The following BNC2 variants were observed in gnomAD, a reference collection of about 807,000 sequenced individuals.
BNC2 encodes the protein zinc finger protein basonuclin-2.
Under a neutral mutation model 76.3 loss-of-function variants are expected in BNC2, and 20 were observed. The ratio of observed to expected loss-of-function variants is 0.26; its 90% confidence interval spans 0.18 to 0.38. The LOEUF is 0.38. BNC2 is among the 10% of genes least tolerant of loss of function. The pLI is 1.00. For missense variants in BNC2, 1,382 were observed against 1,399.8 expected, an observed-to-expected ratio of 0.99 and a Z score of 0.20; for synonymous variants, 582 against 514.8, an observed-to-expected ratio of 1.13 and a Z score of -1.77.
chr9:16,479,091 A>T (rs1424400080), intron 5 of BNC2, among the ~76,000 whole-genome samples: 2 of 152,128 alleles, frequency 1.3e-5, no homozygotes, highest in Admixed American at 1.3e-4. Context: ...GTCTCTACCA[A>T]AAAAATAAAA....
intron 1 of BNC2, among the ~76,000 whole-genome samples, chr9:16,789,426 A>G (rs143970871): frequency 0.012 from 1,899 of 152,230 alleles, 14 homozygotes; most frequent in Non-Finnish European, 0.018. Context: ...CATTGCCTAC[A>G]AGTTCCATGG....
intron 6 of BNC2, among the ~76,000 whole-genome samples, chr9:16,433,898 A>G (rs1353318210): frequency 1.3e-5 from 2 of 152,206 alleles, no homozygotes; most frequent in African/African-American, 4.8e-5. Context: ...AAAAAATACA[A>G]TGCATTAACC....
chr9:16,470,809 G>A (rs1309722752), intron 5 of BNC2, among the ~76,000 whole-genome samples: 2 of 152,220 alleles, frequency 1.3e-5, no homozygotes, highest in African/African-American at 4.8e-5. Flanking sequence ...TTTGCTGCAG[G>A]GGCGGGGCCC....
chr9:16,647,097 G>T (rs556789218), intron 3 of BNC2, among the ~76,000 whole-genome samples: 9 of 152,268 alleles, frequency 5.9e-5, no homozygotes, highest in African/African-American at 1.7e-4. Context: ...GGTTGTAGAT[G>T]ATATTTCCCA....
rs767741164 is a variant in BNC2 at position 16,436,170 on chromosome 9, T to C, written c.2024A>G (p.His675Arg). ...AVVNDMSHDN[H>R]CHSQEEMSPG... ...GCTCATCTCCTCTTGGGAGTGACAATGATTGTCATGGCTCATGTCATTGAC... is the reference window on the plus strand; with the variant it reads ...GCTCATCTCCTCTTGGGAGTGACAACGATTGTCATGGCTCATGTCATTGAC... Residue 675 changes from histidine (H) to arginine (R), a missense_variant, in exon 6 of 7, where the codon CAT becomes CGT. By Grantham distance (29) the His-to-Arg change is conservative. Transcript: ENST00000380672. 4.3e-6 allele frequency: 7 copies of C among 1,614,200 alleles called. No individual in the cohort carries two copies. Among genetic ancestry groups the C allele is most frequent in the Non-Finnish European group, 5.9e-6 (7 of 1,180,032 alleles).
At chr9:16,510,722 A>T (rs1011977597) in intron 5 of BNC2, among the ~76,000 whole-genome samples, 4 of 152,214 alleles carry the variant, frequency 2.6e-5, no homozygotes, top group African/African-American at 4.8e-5. Flanking sequence ...CAGGGGAATA[A>T]ATTGACCTAC....
chr9:16,641,999 G>A (rs560233232), intron 3 of BNC2, among the ~76,000 whole-genome samples: 9 of 152,146 alleles, frequency 5.9e-5, no homozygotes, highest in Admixed American at 1.3e-4. Context: ...TTTTTCCTTC[G>A]CAATTCAGTA....
intron 3 of BNC2, among the ~76,000 whole-genome samples, chr9:16,664,265 G>A (rs1256592653): frequency 2.6e-5 from 4 of 152,036 alleles, no homozygotes; most frequent in East Asian, 1.9e-4. Flanking sequence ...TCCTTTCCAC[G>A]CCAGTCCTTC....
intron 3 of BNC2, among the ~76,000 whole-genome samples, chr9:16,593,537 T>C (rs540444720): frequency 3.2e-4 from 49 of 152,102 alleles, no homozygotes; most frequent in Non-Finnish European, 6.5e-4. Context: ...AGTGCGTGTG[T>C]GTGTGTGTGT....
chr9:16,540,531 A>G (rs1181970592), intron 5 of BNC2, among the ~76,000 whole-genome samples: 3 of 152,132 alleles, frequency 2.0e-5, no homozygotes, highest in Non-Finnish European at 4.4e-5. Context: ...CAAATCCTTA[A>G]AATAATTTTT....
chr9:16,435,035 T>G, intron 6 of BNC2: 1 of 471,540 alleles, frequency 2.1e-6, no homozygotes, highest in Non-Finnish European at 4.4e-6. Context: ...TGGTTATACC[T>G]ACGGAGATGC....
intron 1 of BNC2, among the ~76,000 whole-genome samples, chr9:16,852,169 T>C (rs1819142798): frequency 6.6e-6 from 1 of 152,198 alleles, no homozygotes; most frequent in African/African-American, 2.4e-5. Context: ...GATCATGCTC[T>C]ATCCAGTCTC....
At chr9:16,855,458 G>A (rs1819230232) in intron 1 of BNC2, among the ~76,000 whole-genome samples, 1 of 152,194 alleles carries the variant, frequency 6.6e-6, no homozygotes, top group Admixed American at 6.5e-5. Context: ...GTTATACTTT[G>A]GCAAATGAAG....
chr9:16,748,922 C>CTATATATATATATA lies in BNC2; in HGVS notation c.4-10451_4-10438dup, dbSNP rs34314862. On this transcript the variant is annotated intron_variant, in intron 1 of 6. Coordinates refer to ENST00000380672, the MANE Select transcript of BNC2 (RefSeq NM_017637.6). ...TCTGTACTTTTTTTCACTTTTTATA[C>CTATATATATATATA]TATATATATATATATATATATATAT... 3.9e-3 allele frequency among the ~76,000 whole-genome samples: 514 copies of CTATATATATATATA among 130,450 alleles called. 5 individuals are homozygous for CTATATATATATATA. The highest frequency in any genetic ancestry group is 0.013 in the African/African-American group (429 of 32,302). The allele number at this position is 130,450 out of a possible 152,430, so 85.6% of individuals were successfully genotyped here. A position where few individuals can be genotyped will look rare whatever the true frequency, so the allele number is the denominator to read the frequency against.
At chr9:16,627,714 A>G (rs1025773208) in intron 3 of BNC2, among the ~76,000 whole-genome samples, 11 of 152,160 alleles carry the variant, frequency 7.2e-5, no homozygotes, top group African/African-American at 2.7e-4. Flanking sequence ...TACCATACTC[A>G]TATTTTATCA....
At chr9:16,856,163 T>A (rs1819250714) in intron 1 of BNC2, among the ~76,000 whole-genome samples, 1 of 151,966 alleles carries the variant, frequency 6.6e-6, no homozygotes, top group South Asian at 2.1e-4. Context: ...TCCAAAAAAA[T>A]TTCAGTCAAC....
chr9:16,656,556 A>G (rs1178376233), intron 3 of BNC2, among the ~76,000 whole-genome samples: 2 of 152,184 alleles, frequency 1.3e-5, no homozygotes, highest in Admixed American at 1.3e-4. Context: ...AATGTCTACA[A>G]TTTGGTGAGT....
At chr9:16,789,300 G>T (rs946954879) in intron 1 of BNC2, among the ~76,000 whole-genome samples, 1 of 151,844 alleles carries the variant, frequency 6.6e-6, no homozygotes, top group Non-Finnish European at 1.5e-5. Context: ...TTGTCACGGT[G>T]GCCATGGCAC....
At chr9:16,795,650 T>C (rs1027964964) in intron 1 of BNC2, among the ~76,000 whole-genome samples, 1 of 152,170 alleles carries the variant, frequency 6.6e-6, no homozygotes, top group Non-Finnish European at 1.5e-5. Context: ...AGAGAGGATA[T>C]CATGATTTTG....
Sources: gnomAD v4.1 joint callset for allele counts (sites outside exome capture counted in the v4.1 genomes callset) on GRCh38, gnomAD v4.1.1 for gene constraint, MANE v1.5 for transcripts, NCBI Gene and HGNC (gene_info 2026-07-23, HGNC 2026-07-21) for gene names.